FARP1: variants seen among roughly 807,000 people sequenced by gnomAD.
The protein encoded by FARP1 is FERM, ARH/RhoGEF and pleckstrin domain protein 1, also known as FERM, ARHGEF and pleckstrin domain-containing protein 1.
A neutral mutation model predicts 128.8 loss-of-function variants in FARP1; 52 were observed. The observed-to-expected ratio is 0.40, with a 90% CI of 0.32 to 0.51. The LOEUF (loss-of-function observed/expected upper bound fraction) is 0.51. Among genes scored for constraint, FARP1 ranks in the 20% least tolerant of loss-of-function variants. The pLI is 0.45. For missense variants in FARP1, 1,333 were observed against 1,367.9 expected (o/e 0.97, Z 0.40); for synonymous variants, 580 against 551.8 (o/e 1.05, Z -0.72).
At chr13:98,386,305 T>C (rs1317801794) in intron 8 of FARP1, among the ~76,000 whole-genome samples, 1 of 151,210 alleles carries the variant, frequency 6.6e-6, no homozygotes, top group Non-Finnish European at 1.5e-5. Flanking sequence ...GTTTTATAAA[T>C]TCATAAAAGC....
chr13:98,312,716 C>T (rs1042582430), intron 2 of FARP1, among the ~76,000 whole-genome samples: 22 of 152,062 alleles, frequency 1.4e-4, no homozygotes, highest in African/African-American at 5.3e-4. Context: ...AAATTTGAAG[C>T]ATCTCTTACA....
chr13:98,425,789 C>T (rs536448921), intron 17 of FARP1, among the ~76,000 whole-genome samples: 3 of 152,284 alleles, frequency 2.0e-5, no homozygotes, highest in Admixed American at 2.0e-4. Flanking sequence ...AATACTCTAC[C>T]ACATTTAAAA....
intron 1 of FARP1, among the ~76,000 whole-genome samples, chr13:98,191,355 A>G (rs1323310536): frequency 2.0e-5 from 3 of 152,212 alleles, no homozygotes; most frequent in Admixed American, 6.5e-5. Context: ...ATGAAACTAA[A>G]TAGCAGTTAG....
intron 6 of FARP1, chr13:98,382,495 A>G (rs936649824): frequency 1.3e-5 from 2 of 150,266 alleles, no homozygotes; most frequent in African/African-American, 4.9e-5. Flanking sequence ...GTGTTCTAAG[A>G]TTCATAGGAA....
At position 98,251,587 on chromosome 13, in the gene FARP1, G is replaced by A. The variant is rs1015743961; in HGVS notation, c.171+38174G>A. 2.0e-4 allele frequency among the ~76,000 whole-genome samples: 30 copies of A among 151,856 alleles called. 1 individual carries two copies. The highest frequency in any genetic ancestry group is 1.8e-3 in the Admixed American group (27 of 15,252). ...AATCCCAGCTACTTGGGAGGCTGAG[G>A]CAGGAGAATGGCTTGAACCCGGGAG... On this transcript the variant is annotated intron_variant, in intron 2 of 26. Transcript: ENST00000319562.
At chr13:98,172,989 T>C (rs1385955164) in intron 1 of FARP1, among the ~76,000 whole-genome samples, 3 of 152,142 alleles carry the variant, frequency 2.0e-5, no homozygotes, top group Non-Finnish European at 4.4e-5. Flanking sequence ...TTTTGAAAAA[T>C]GTGCAGTAGA....
At chr13:98,395,962 G>A (rs1594486304) in intron 13 of FARP1, 1 of 399,258 alleles carries the variant, frequency 2.5e-6, no homozygotes. Flanking sequence ...CCATAGAGAG[G>A]GGAGTATGGG....
rs1387676315 is a variant in FARP1, at chr13:98,393,777, C to T, written c.1164+59C>T. On this transcript the variant is annotated intron_variant, in intron 12 of 26. Transcript: ENST00000319562. ...TTTTCCCCACACTTCCTCCACGGAG[C>T]CCTGGGCTTCAGAGCGGGCTTTCTT... The T allele has an allele frequency of 3.0e-6, 4 of 1,319,186 alleles. No homozygotes were observed. The African/African-American group carries it at 4.3e-5, about 14-fold the overall frequency. 81.7% of individuals were successfully genotyped at this position (1,319,186 alleles called of 1,614,324 possible).
At chr13:98,356,752 C>T (rs1193928858) in intron 3 of FARP1, among the ~76,000 whole-genome samples, 4 of 151,918 alleles carry the variant, frequency 2.6e-5, no homozygotes, top group Non-Finnish European at 4.4e-5. Flanking sequence ...GATTCTCCTG[C>T]CTCAGCCTCC....
At chr13:98,291,206 C>G (rs780958300) in intron 2 of FARP1, among the ~76,000 whole-genome samples, 1 of 152,110 alleles carries the variant, frequency 6.6e-6, no homozygotes, top group African/African-American at 2.4e-5. Flanking sequence ...GAGATTCCTA[C>G]AGTAAAGTAA....
intron 2 of FARP1, among the ~76,000 whole-genome samples, chr13:98,242,848 A>G (rs1291125820): frequency 6.6e-6 from 1 of 152,222 alleles, no homozygotes; most frequent in Non-Finnish European, 1.5e-5. Context: ...ATGTGTATCT[A>G]CATTATCTGT....
intron 2 of FARP1, among the ~76,000 whole-genome samples, chr13:98,273,467 C>T (rs945957244): frequency 1.3e-5 from 2 of 152,164 alleles, no homozygotes; most frequent in African/African-American, 4.8e-5. Flanking sequence ...GTCTAACCTC[C>T]CTTCCCATCC....
At chr13:98,157,188 G>A (rs893814253) in intron 1 of FARP1, among the ~76,000 whole-genome samples, 1 of 152,150 alleles carries the variant, frequency 6.6e-6, no homozygotes, top group African/African-American at 2.4e-5. Flanking sequence ...AAAAGTTTTG[G>A]TTTTAAAGTG....
intron 1 of FARP1, among the ~76,000 whole-genome samples, chr13:98,186,591 G>A (rs1418159516): frequency 1.3e-5 from 2 of 152,142 alleles, no homozygotes; most frequent in South Asian, 2.1e-4. Flanking sequence ...TGTAGCATGC[G>A]TCAGAATTTC....
chr13:98,438,167 C>G (rs1260941293), intron 19 of FARP1, among the ~76,000 whole-genome samples: 1 of 152,098 alleles, frequency 6.6e-6, no homozygotes, highest in Non-Finnish European at 1.5e-5. Flanking sequence ...TGTACAGCCC[C>G]GGGGAGGATG....
intron 2 of FARP1, among the ~76,000 whole-genome samples, chr13:98,296,745 G>A (rs115319395): frequency 0.016 from 2,191 of 139,228 alleles, 55 homozygotes; most frequent in African/African-American, 0.055. Context: ...AGGCTAGAGT[G>A]CAGTGACATA....
intron 17 of FARP1, 120 bp downstream of exon 17, chr13:98,424,770 C>A: frequency 4.2e-6 from 3 of 717,522 alleles, no homozygotes; most frequent in Non-Finnish European, 7.5e-6. Flanking sequence ...ACTCTCTACA[C>A]CAAGCTTGTC....
rs60809416 is a variant in FARP1 at position 98,265,311 on chromosome 13, A to ATTTTTTTTTTTT, written c.171+51913_171+51924dup. Among the ~76,000 whole-genome samples, 16 of 60,254 alleles carry ATTTTTTTTTTTT rather than the reference A, an allele frequency of 2.7e-4. 2 individuals are homozygous for ATTTTTTTTTTTT. Among genetic ancestry groups the ATTTTTTTTTTTT allele is most frequent in the African/African-American group, 1.3e-3 (16 of 12,744 alleles). The allele number at this position is 60,254 out of a possible 152,430, so 39.5% of individuals were successfully genotyped here. On this transcript the variant is annotated intron_variant, in intron 2 of 26. Coordinates refer to ENST00000319562, the MANE Select transcript of FARP1 (RefSeq NM_005766.4). Reference sequence around the variant, plus strand: ...ACCCACCCACACCCCTCCTTCCTGAATTTTTTTTTTTTTTTTTTTTTTTTT... The same window carrying ATTTTTTTTTTTT: ...ACCCACCCACACCCCTCCTTCCTGAATTTTTTTTTTTTTTTTTTTTTTTTTTTTTTTTTTTTT...
In FARP1 at chr13:98,388,395, A is replaced by G; in HGVS notation, c.772A>G (p.Ile258Val). 1 of 1,613,748 alleles carries G rather than the reference A, an allele frequency of 6.2e-7. No individual in the cohort carries two copies. Among genetic ancestry groups the G allele is most frequent in the Non-Finnish European group, 8.5e-7 (1 of 1,179,624 alleles). ...GILVFQGFTK[I>V]NAFNWAKVRK... The stretch of plus-strand genomic sequence containing the variant: ...TCTTTCTTTTTAGGGTTTCACTAAG[A>G]TCAATGCCTTCAACTGGGCCAAGGT... The change falls in exon 9 of 27, where the codon ATC becomes GTC. Residue 258 changes from isoleucine (I) to valine (V), a missense_variant. Ile to Val is a conservative substitution (Grantham distance 29). Around this residue, in one of 2 missense-constraint regions of FARP1, gnomAD observed 324 missense variants for 398.1 expected, o/e 0.81. Transcript: ENST00000319562.
Sources: gnomAD v4.1 joint callset for allele counts (sites outside exome capture counted in the v4.1 genomes callset) on GRCh38, gnomAD v4.1.1 for gene constraint, gnomAD v4.1.1 regional missense constraint, MANE v1.5 for transcripts, NCBI Gene and HGNC (gene_info 2026-07-23, HGNC 2026-07-21) for gene names.